The following ACP7 variants were observed in gnomAD, a reference collection of about 807,000 sequenced individuals.
ACP7 encodes the protein acid phosphatase 7, tartrate resistant (putative).
ACP7 carries 58 observed loss-of-function variants against 60.6 expected under a neutral mutation model. The ratio of observed to expected loss-of-function variants is 0.96; its 90% CI spans 0.77 to 1.19. The LOEUF (loss-of-function observed/expected upper bound fraction) is 1.19. Ranked by LOEUF, ACP7 falls within the 50% of genes most tolerant of loss-of-function variation. The pLI, the probability that ACP7 is intolerant of heterozygous loss-of-function variation, is 0.00. For synonymous variants in ACP7, 237 were observed against 232.6 expected (o/e 1.02, Z -0.17); for missense variants, 574 against 596.2 (o/e 0.96, Z 0.39).
chr19:39,101,760 G>C (rs890762414), intron 11 of ACP7, among the ~76,000 whole-genome samples: 1 of 151,988 alleles, frequency 6.6e-6, no homozygotes, highest in African/African-American at 2.4e-5. Context: ...AAGTGGCAGA[G>C]GTTGGGAGCT....
chr19:39,106,812 C>A, intron 11 of ACP7, 135 bp from the exon 12 acceptor site: 1 of 1,071,136 alleles, frequency 9.3e-7, no homozygotes, highest in Non-Finnish European at 1.3e-6. Flanking sequence ...GCATGAGCCA[C>A]TGCGCCCGGC....
intron 3 of ACP7, 44 bp from the exon 4 acceptor site, chr19:39,098,916 C>A: frequency 6.3e-7 from 1 of 1,596,918 alleles, no homozygotes; most frequent in Non-Finnish European, 8.5e-7. Flanking sequence ...AGGGAGGGTC[C>A]CGGGGCGCCC....
Position 39,110,307 on chromosome 19 carries a change from G to C in ACP7, c.*189G>C. ...CCCTCCTGGAGAGGTGGGAGTCCTG[G>C]CTGGCTGTGGAGGGAGGGCAGGTGT... On this transcript the variant is annotated 3_prime_UTR_variant, in exon 13 of 13. Transcript: ENST00000331256. The C allele has an allele frequency of 1.6e-6, 1 of 607,284 alleles. No individual in the cohort carries two copies. Among genetic ancestry groups the C allele is most frequent in the East Asian group, 2.8e-5 (1 of 35,548 alleles). The allele number at this position is 607,284 out of a possible 1,614,324, so 37.6% of individuals were successfully genotyped here. A position where few individuals can be genotyped will look rare whatever the true frequency, so the allele number is the denominator to read the frequency against.
At chr19:39,105,527 G>A (rs996843009) in intron 11 of ACP7, among the ~76,000 whole-genome samples, 3 of 152,074 alleles carry the variant, frequency 2.0e-5, no homozygotes, top group Non-Finnish European at 2.9e-5. Flanking sequence ...GGAGGCGCAT[G>A]GTGTCTTTTT....
At chr19:39,106,480 C>T (rs1372852425) in intron 11 of ACP7, among the ~76,000 whole-genome samples, 1 of 152,130 alleles carries the variant, frequency 6.6e-6, no homozygotes, top group Non-Finnish European at 1.5e-5. Flanking sequence ...GGAAGCCTGC[C>T]TGGGACAAAT....
chr19:39,091,749 A>C (rs1382089941), intron 2 of ACP7, among the ~76,000 whole-genome samples: 1 of 151,544 alleles, frequency 6.6e-6, no homozygotes, highest in Non-Finnish European at 1.5e-5. Flanking sequence ...ATCTCTACCA[A>C]AACTACAAAA....
At chr19:39,106,459 C>T (rs1005050413) in intron 11 of ACP7, among the ~76,000 whole-genome samples, 1 of 152,152 alleles carries the variant, frequency 6.6e-6, no homozygotes, top group Non-Finnish European at 1.5e-5. Flanking sequence ...AAGTCAGAGA[C>T]CCGGAGCAAG....
chr19:39,085,271 TGCACCCCCTTCCTG>T lies in ACP7; in HGVS notation c.5_18del (p.His2_?6). ...GTCTGCCATCACCACCCCACCACCA[TGCACCCCCTTCCTG>T]GCTACTGGTCCTGTTACTGTCTACT... On this transcript the variant is annotated frameshift_variant and start_lost, in exon 2 of 13. Coordinates refer to ENST00000331256, the MANE Select transcript of ACP7 (RefSeq NM_001004318.3). LOFTEE classifies it high-confidence loss of function. 2.5e-6 allele frequency: 4 copies of T among 1,612,114 alleles called. No individual in the cohort carries two copies. The highest frequency in any genetic ancestry group is 3.4e-6 in the Non-Finnish European group (4 of 1,179,010).
chr19:39,107,480 A>G (rs1231806241), intron 12 of ACP7, among the ~76,000 whole-genome samples: 1 of 147,910 alleles, frequency 6.8e-6, no homozygotes, highest in East Asian at 2.0e-4. Flanking sequence ...GCTACTCGGG[A>G]GGCTGAGGCA....
chr19:39,106,830 G>A, intron 11 of ACP7, 117 bp from the exon 12 acceptor site: 2 of 1,315,360 alleles, frequency 1.5e-6, no homozygotes, highest in Non-Finnish European at 2.1e-6. Context: ...GGCCTCTATG[G>A]TGGTCAAGTC....
In ACP7 at chr19:39,098,819, G is replaced by C. The variant is rs540455997; in HGVS notation, c.323-141G>C. On this transcript the variant is annotated intron_variant, in intron 3 of 12. Transcript: ENST00000331256. ...CCCCAGGATGAAAACGGAAGGTGCC[G>C]GGGAAGGCAGACCGAAGGGGCATGG... The C allele has an allele frequency of 1.1e-4, 153 of 1,377,968 alleles. 1 individual carries two copies. Among genetic ancestry groups the C allele is most frequent in the Middle Eastern group, 8.9e-4 (4 of 4,512 alleles). 85.4% of individuals were successfully genotyped at this position (1,377,968 alleles called of 1,614,324 possible).
intron 1 of ACP7, among the ~76,000 whole-genome samples, chr19:39,084,634 CA>C (rs2073120544): frequency 6.6e-6 from 1 of 151,436 alleles, no homozygotes; most frequent in Non-Finnish European, 1.5e-5. Flanking sequence ...TCACTAGGAG[CA>C]AAATAGAAGG....
chr19:39,086,195 G>A (rs1373259955), intron 2 of ACP7, among the ~76,000 whole-genome samples: 1 of 152,116 alleles, frequency 6.6e-6, no homozygotes, highest in Non-Finnish European at 1.5e-5. Context: ...AGGTGTGGTG[G>A]CATGCACCTA....
At chr19:39,101,681 T>A in intron 11 of ACP7, 144 bp downstream of exon 11, 1 of 883,222 alleles carries the variant, frequency 1.1e-6, no homozygotes, top group South Asian at 1.7e-5. Flanking sequence ...CCTAGCGGTA[T>A]GTTCATTGGA....
intron 2 of ACP7, among the ~76,000 whole-genome samples, chr19:39,098,253 C>CAAAAAAAAAAA (rs59373149): frequency 7.4e-4 from 48 of 64,954 alleles, no homozygotes; most frequent in Non-Finnish European, 1.1e-3. Flanking sequence ...GACCCTGACT[C>CAAAAAAAAAAA]AAAAAAAAAA....
intron 2 of ACP7, among the ~76,000 whole-genome samples, chr19:39,091,981 C>T (rs934261132): frequency 6.6e-6 from 1 of 152,072 alleles, no homozygotes; most frequent in African/African-American, 2.4e-5. Context: ...CAGCCCAGCA[C>T]CATGGGTTTA....
chr19:39,097,559 T>C (rs1451572228), intron 2 of ACP7, among the ~76,000 whole-genome samples: 1 of 143,786 alleles, frequency 7.0e-6, no homozygotes, highest in African/African-American at 2.6e-5. Flanking sequence ...AGTGAGACCC[T>C]ATCTCTAAGA....
At chr19:39,086,281 T>C (rs1239808312) in intron 2 of ACP7, among the ~76,000 whole-genome samples, 1 of 151,320 alleles carries the variant, frequency 6.6e-6, no homozygotes, top group African/African-American at 2.4e-5. Context: ...TGAGCCATGA[T>C]TGGCCACTAC....
At chr19:39,102,759 C>CTTTCTTTCTTTT (rs2073366640) in intron 11 of ACP7, among the ~76,000 whole-genome samples, 1 of 84,406 alleles carries the variant, frequency 1.2e-5, no homozygotes, top group Non-Finnish European at 2.5e-5. Context: ...TTCTTTCTTT[C>CTTTCTTTCTTTT]TTTCTTTCTC....
Sources: allele counts gnomAD v4.1 joint callset (sites outside exome capture counted in the v4.1 genomes callset), GRCh38; gene constraint gnomAD v4.1.1; transcripts MANE v1.5; gene names NCBI Gene and HGNC (gene_info 2026-07-23, HGNC 2026-07-21).